SLC25A32: variants seen among roughly 807,000 people sequenced by gnomAD.
The protein encoded by SLC25A32 is Glycine auxotroph B, complementation of hamster.
SLC25A32 carries 32 observed loss-of-function variants against 39.0 expected under a neutral mutation model. The ratio of observed to expected loss-of-function variants is 0.82; its 90% confidence interval spans 0.62 to 1.10. The LOEUF (loss-of-function observed/expected upper bound fraction) is 1.10, where lower values mean the gene tolerates loss of function less well. Among genes scored for constraint, SLC25A32 ranks in the 50% least tolerant of loss-of-function variants. SLC25A32 has a pLI of 0.00. For synonymous variants in SLC25A32, 166 were observed against 152.4 expected, an observed-to-expected ratio of 1.09 and a Z score of -0.66; for missense variants, 367 against 395.3, an observed-to-expected ratio of 0.93 and a Z score of 0.61.
chr8:103,410,632 C>T (rs1453580833), intron 1 of SLC25A32, among the ~76,000 whole-genome samples: 3 of 152,076 alleles, frequency 2.0e-5, no homozygotes. Context: ...GGTTAGGGAC[C>T]ACTGGCTTAA....
chr8:103,414,928 G>A lies in SLC25A32; in HGVS notation c.10C>T (p.Gln4Ter). The change falls in exon 1 of 7, where the codon CAG (glutamine) becomes TAG (stop). Residue 4 changes from glutamine (Q) to a stop codon, truncating the protein, a stop_gained. Transcript: ENST00000297578. LOFTEE classifies it high-confidence loss of function. MTG[Q>*]GQSASGSSAW... ...GACGACCCGGACGCCGACTGGCCCT[G>A]GCCCGTCATAGGCTCGGGGCCCGTC... 1 of 1,606,290 alleles carries A rather than the reference G, an allele frequency of 6.2e-7. No homozygotes were observed. Among genetic ancestry groups the A allele is most frequent in the Non-Finnish European group, 8.5e-7 (1 of 1,176,844 alleles).
chr8:103,405,801 C>T (rs1032343375), intron 2 of SLC25A32, among the ~76,000 whole-genome samples: 11 of 152,000 alleles, frequency 7.2e-5, no homozygotes, highest in African/African-American at 2.4e-5. Flanking sequence ...GCTAAGACTA[C>T]AGGCATGCAG....
rs3134254 is a variant in SLC25A32 at position 103,407,872 on chromosome 8, T to C, written c.155-88A>G. 167,447 of 1,052,866 alleles carry C rather than the reference T, an allele frequency of 0.16. 14,569 individuals carry two copies. The highest frequency in any genetic ancestry group is 0.36 in the East Asian group (12,516 of 35,154). 65.2% of individuals were successfully genotyped at this position (1,052,866 alleles called of 1,614,324 possible). A position where few individuals can be genotyped will look rare whatever the true frequency, so the allele number is the denominator to read the frequency against. ...CACAGACACTGTACAATTGGTTATATAAAGGAGATAAACTTAGAAGAAAAA... is the reference window on the plus strand; with the variant it reads ...CACAGACACTGTACAATTGGTTATACAAAGGAGATAAACTTAGAAGAAAAA... On this transcript the variant is annotated intron_variant, in intron 1 of 6. Coordinates refer to ENST00000297578, the MANE Select transcript of SLC25A32 (RefSeq NM_030780.5).
rs757236671 is a variant in SLC25A32, at chr8:103,401,898, C to A, written c.666+43G>T. On this transcript the variant is annotated intron_variant, in intron 5 of 6. Coordinates refer to ENST00000297578, the MANE Select transcript of SLC25A32 (RefSeq NM_030780.5). ...GACAAAAATTTCTACCTATTAAATACCCATAAAAGGAAATGATATCATTTT... is the reference window on the plus strand; with the variant it reads ...GACAAAAATTTCTACCTATTAAATAACCATAAAAGGAAATGATATCATTTT... 4.0e-6 allele frequency: 6 copies of A among 1,503,918 alleles called. No individual in the cohort carries two copies. The South Asian group carries it at 7.0e-5, about 18-fold the overall frequency. 93.2% of individuals were successfully genotyped at this position (1,503,918 alleles called of 1,614,324 possible).
At chr8:103,411,083 T>A (rs3134286) in intron 1 of SLC25A32, among the ~76,000 whole-genome samples, 25,606 of 151,940 alleles carry the variant, frequency 0.17, 2,307 homozygotes, top group East Asian at 0.33. Context: ...AAAACAAATA[T>A]AAATGACATT....
At position 103,400,552 on chromosome 8, in the gene SLC25A32, G is replaced by C; in HGVS notation, c.813-6C>G. The C allele has an allele frequency of 1.2e-6, 2 of 1,613,058 alleles. No homozygotes were observed. Among genetic ancestry groups the C allele is most frequent in the Admixed American group, 1.7e-5 (1 of 59,690 alleles). On this transcript the variant is annotated splice_region_variant and splice_polypyrimidine_tract_variant and intron_variant, in intron 6 of 6. Transcript: ENST00000297578. ...ATCCACCGACGCCTTCTTTCCTTTA[G>C]AGGGAAAAATAGATAATGCTTAATT...
chr8:103,411,575 T>G (rs1816465529), intron 1 of SLC25A32, among the ~76,000 whole-genome samples: 1 of 152,184 alleles, frequency 6.6e-6, no homozygotes, highest in African/African-American at 2.4e-5. Context: ...TGTAAATCCC[T>G]CTCTTCTGGC....
At chr8:103,401,479 T>C (rs1332758880) in intron 6 of SLC25A32, 37 bp downstream of exon 6, 1 of 1,595,540 alleles carries the variant, frequency 6.3e-7, no homozygotes, top group South Asian at 1.1e-5. Context: ...GCAAGGTACC[T>C]TGTCAAAGCA....
Position 103,407,077 on chromosome 8 carries a change from T to G in SLC25A32, c.305+557A>C, listed in dbSNP as rs185917979. 1.7e-3 allele frequency among the ~76,000 whole-genome samples: 265 copies of G among 152,306 alleles called. 1 individual carries two copies. Among genetic ancestry groups the G allele is most frequent in the Non-Finnish European group, 1.5e-3 (102 of 68,018 alleles). ...ACTAATAAATAACAAACCGACTGAT[T>G]CAACTTTTTCTAATCTAGTAATATT... On this transcript the variant is annotated intron_variant, in intron 2 of 6. Transcript: ENST00000297578.
Position 103,401,933 on chromosome 8 carries a change from A to C in SLC25A32, c.666+8T>G. 6.3e-7 allele frequency: 1 copy of C among 1,592,568 alleles called. No individual in the cohort carries two copies. The highest frequency in any genetic ancestry group is 8.6e-7 in the Non-Finnish European group (1 of 1,167,942). On this transcript the variant is annotated splice_region_variant and intron_variant, in intron 5 of 6. Transcript: ENST00000297578. ...GAAATGATATCATTTTTACAAGAAT[A>C]ATCTTACCAACTGGGCTTCTGGTAA...
At position 103,414,887 on chromosome 8, in the gene SLC25A32, T is replaced by C; in HGVS notation, c.51A>G (p.Val17=). Residue 17 remains valine, a synonymous_variant, in exon 1 of 7, where the codon GTA becomes GTG. Transcript: ENST00000297578. ...GGTTCTCATACCGGACGTGGCGGAA[T>C]ACCGTGCTCCACGCCGACGACCCGG... ...SASGSSAWST[V]FRHVRYENLI... The C allele has an allele frequency of 1.2e-6, 2 of 1,612,892 alleles. No homozygotes were observed. Among genetic ancestry groups the C allele is most frequent in the African/African-American group, 1.3e-5 (1 of 75,042 alleles).
chr8:103,413,314 C>G (rs978759886), intron 1 of SLC25A32, among the ~76,000 whole-genome samples: 2 of 152,220 alleles, frequency 1.3e-5, no homozygotes, highest in Non-Finnish European at 2.9e-5. Context: ...AGGCCTGCAC[C>G]TGCAGGCAAG....
intron 1 of SLC25A32, among the ~76,000 whole-genome samples, chr8:103,408,737 G>T (rs949794567): frequency 6.6e-6 from 1 of 152,062 alleles, no homozygotes; most frequent in South Asian, 2.1e-4. Context: ...CTCAACAAAC[G>T]CCATCATCAT....
In SLC25A32 at chr8:103,407,662, C is replaced by T. The variant is rs1381722124; in HGVS notation, c.277G>A (p.Gly93Ser). ...AAAAAGTAGAGTCCCCAGGATAAACCTGCACCCCATATATTTGGGGTTACT... is the reference window on the plus strand; with the variant it reads ...AAAAAGTAGAGTCCCCAGGATAAACTTGCACCCCATATATTTGGGGTTACT... ...QGVTPNIWGA[G>S]LSWGLYFFFY... is the part of the protein sequence containing the mutation. The change falls in exon 2 of 7, where the codon GGT becomes AGT. Residue 93 changes from glycine to serine, a missense_variant. Transcript: ENST00000297578. The T allele has an allele frequency of 6.2e-7, 1 of 1,603,516 alleles. No individual in the cohort carries two copies.
chr8:103,414,601 G>C, intron 1 of SLC25A32, 183 bp downstream of exon 1: 2 of 754,458 alleles, frequency 2.7e-6, no homozygotes, highest in Non-Finnish European at 4.2e-6. Flanking sequence ...CTTGAGGAGC[G>C]GGGAAGATCG....
intron 1 of SLC25A32, among the ~76,000 whole-genome samples, chr8:103,408,502 G>C (rs531206769): frequency 6.6e-6 from 1 of 152,270 alleles, no homozygotes; most frequent in South Asian, 2.1e-4. Flanking sequence ...AAACTAGCTA[G>C]GAGCCTCAAT....
At chr8:103,408,847 C>T (rs1253079779) in intron 1 of SLC25A32, among the ~76,000 whole-genome samples, 1 of 152,200 alleles carries the variant, frequency 6.6e-6, no homozygotes, top group African/African-American at 2.4e-5. Context: ...TTCCACATCA[C>T]AAATTTCTCT....
intron 1 of SLC25A32, among the ~76,000 whole-genome samples, chr8:103,412,915 T>C (rs1179503884): frequency 6.6e-6 from 1 of 152,226 alleles, no homozygotes; most frequent in Non-Finnish European, 1.5e-5. Context: ...TTATAGTATG[T>C]TACTCAGCAC....
intron 1 of SLC25A32, among the ~76,000 whole-genome samples, chr8:103,413,031 G>A (rs757561207): frequency 5.3e-5 from 8 of 152,058 alleles, no homozygotes; most frequent in Admixed American, 5.2e-4. Flanking sequence ...ACAAAGTCCT[G>A]CTTCCACTCC....
Sources: allele counts gnomAD v4.1 joint callset (sites outside exome capture counted in the v4.1 genomes callset), GRCh38; gene constraint gnomAD v4.1.1; transcripts MANE v1.5; gene names NCBI Gene and HGNC (gene_info 2026-07-23, HGNC 2026-07-21).